Variants in RTL9 observed in about 807,000 individuals in gnomAD.
RTL9 encodes retrotransposon Gag like 9, also known as retrotransposon Gag-like protein 9.
A neutral mutation model predicts 44.7 loss-of-function variants in RTL9; 19 were observed. The ratio of observed to expected loss-of-function variants is 0.42; its 90% CI spans 0.30 to 0.62. The LOEUF is 0.62. Ranked by LOEUF, RTL9 falls within the 20% of genes least tolerant of loss-of-function variation. The probability of loss-of-function intolerance (pLI) is 0.16; values close to 1 mark genes in which losing one functional copy is unlikely to be tolerated. For missense variants in RTL9, 1,105 were observed against 1,080.6 expected, an observed-to-expected ratio of 1.02 and a Z score of -0.32; for synonymous variants, 407 against 398.9, an observed-to-expected ratio of 1.02 and a Z score of -0.24.
intron 1 of RTL9, among the ~76,000 whole-genome samples, chrX:110,435,347 A>T (rs73542220): frequency 0.039 from 4,371 of 111,388 alleles, 219 homozygotes; most frequent in African/African-American, 0.14. Flanking sequence ...AAAGACCACA[A>T]CTCTACAGTG....
chrX:110,407,631 T>G (rs979148941), intron 1 of RTL9, among the ~76,000 whole-genome samples: 6 of 112,157 alleles, frequency 5.3e-5, no homozygotes, highest in African/African-American at 1.9e-4. Context: ...GACCCTGGAC[T>G]TGAACTCAGG....
At position 110,452,274 on chromosome X, in the gene RTL9, CAA is replaced by C; in HGVS notation, c.1659_1660del (p.Gln553HisfsTer85). ...TGTCTCTGAAGCAATGTCCATGCCA[CAA>C]ATGAGAACCATGGCCTCAGGATTGA... On this transcript the variant is annotated frameshift_variant, in exon 1 of 2. Transcript: ENST00000540313. LOFTEE classifies it high-confidence loss of function. 1.7e-6 allele frequency: 2 copies of C among 1,211,900 alleles called. No homozygotes were observed. Among genetic ancestry groups the C allele is most frequent in the Non-Finnish European group, 2.2e-6 (2 of 895,518 alleles).
At chrX:110,446,112 T>C (rs2068906821), upstream of RTL9, among the ~76,000 whole-genome samples, 1 of 111,194 alleles carries the variant, frequency 9.0e-6, no homozygotes, top group African/African-American at 3.3e-5. Flanking sequence ...TTGAATGATA[T>C]GAACTCTGAA....
rs2068901639 is a variant in RTL9 at position 110,445,135 on chromosome X, C to T, written c.-167-18C>T. ...TGGAGCTACCCAGAACACACCTACC[C>T]TCTCTTCCATATGACAGCCCTTCAG... On this transcript the variant is annotated intron_variant, in intron 1 of 3. Coordinates refer to the RTL9 transcript ENST00000465301. The T allele has an allele frequency of 8.9e-6, 1 of 112,651 alleles. No individual in the cohort carries two copies. Among genetic ancestry groups the T allele is most frequent in the Non-Finnish European group, 1.9e-5 (1 of 53,301 alleles). The allele number at this position is 112,651 out of a possible 1,213,427, so 9.3% of individuals were successfully genotyped here. A position where few individuals can be genotyped will look rare whatever the true frequency, so the allele number is the denominator to read the frequency against.
intron 1 of RTL9, among the ~76,000 whole-genome samples, chrX:110,366,443 A>G (rs1463522716): frequency 1.8e-5 from 2 of 111,807 alleles, no homozygotes; most frequent in Admixed American, 1.9e-4. Context: ...TGGTTCTGAA[A>G]AATGCAATTA....
intron 1 of RTL9, among the ~76,000 whole-genome samples, chrX:110,388,011 G>A (rs2068469354): frequency 1.8e-5 from 2 of 109,746 alleles, no homozygotes; most frequent in African/African-American, 3.3e-5. Context: ...ACAGGCGCCC[G>A]CCATCACGCC....
At chrX:110,396,520 T>C (rs896800066) in intron 1 of RTL9, among the ~76,000 whole-genome samples, 4 of 112,280 alleles carry the variant, frequency 3.6e-5, no homozygotes, top group Non-Finnish European at 1.9e-5. Flanking sequence ...TCTACTTTCT[T>C]TCCCAGTCCC....
intron 1 of RTL9, among the ~76,000 whole-genome samples, chrX:110,369,767 T>C (rs920175329): frequency 8.9e-6 from 1 of 112,239 alleles, no homozygotes; most frequent in African/African-American, 3.2e-5. Context: ...CTGTACACAC[T>C]ATTTTTTATA....
intron 1 of RTL9, among the ~76,000 whole-genome samples, chrX:110,378,445 A>G (rs1248349034): frequency 9.0e-6 from 1 of 111,204 alleles, no homozygotes; most frequent in Non-Finnish European, 1.9e-5. Context: ...TCTCTAAACC[A>G]CAGCTTTTGG....
chrX:110,453,698 G>T (rs756983625), exon 1 of RTL9: 1 of 1,210,049 alleles, frequency 8.3e-7, no homozygotes, highest in African/African-American at 1.7e-5. Context: ...CTGGAGCAAG[G>T]TCCACATCAT....
chrX:110,363,645 T>C (rs73636959), intron 1 of RTL9, among the ~76,000 whole-genome samples: 4,164 of 111,520 alleles, frequency 0.037, 180 homozygotes, highest in African/African-American at 0.13. Context: ...GTTGCTTTTA[T>C]TACTCTGTGC....
At chrX:110,455,404 A>G (rs2068974988) in exon 2 of RTL9, 1 of 1,103,039 alleles carries the variant, frequency 9.1e-7, no homozygotes, top group South Asian at 2.1e-5. Context: ...ATTAAACTAC[A>G]TTATAAACCT....
intron 1 of RTL9, among the ~76,000 whole-genome samples, chrX:110,375,508 G>A (rs367973589): frequency 3.6e-5 from 4 of 110,954 alleles, no homozygotes; most frequent in East Asian, 5.6e-4. Flanking sequence ...CTAGAACGTA[G>A]TAGGGGCTCA....
At position 110,453,266 on chromosome X, in the gene RTL9, C is replaced by A. The variant is rs774247194; in HGVS notation, c.2649C>A (p.Asp883Glu). 2.5e-6 allele frequency: 3 copies of A among 1,210,671 alleles called. No individual in the cohort carries two copies. In the South Asian group the frequency reaches 5.3e-5, roughly 21 times the overall value. The stretch of plus-strand genomic sequence containing the variant: ...AAATGATGCCCACAGCTTCTGGAGA[C>A]ATGTGCACACTACCAGTGCGAGCCC... The change falls in exon 1 of 2, where the codon GAC becomes GAA. Residue 883 changes from aspartate (D) to glutamate (E), a missense_variant. Coordinates refer to ENST00000540313, the Ensembl canonical transcript of RTL9.
At chrX:110,383,230 C>T (rs752721028) in intron 1 of RTL9, among the ~76,000 whole-genome samples, 2 of 111,212 alleles carry the variant, frequency 1.8e-5, no homozygotes, top group East Asian at 5.7e-4. Context: ...GGGTCTTCTT[C>T]CCAGGAGGCT....
chrX:110,394,910 A>G (rs1323540876), intron 1 of RTL9, among the ~76,000 whole-genome samples: 2 of 112,701 alleles, frequency 1.8e-5, no homozygotes, highest in Non-Finnish European at 3.8e-5. Context: ...TGTGTGACTC[A>G]CCCTGTGGTG....
chrX:110,375,676 G>A lies in RTL9; in HGVS notation c.-168+16760G>A, dbSNP rs78070568. ...ATGAACTTAAAACACTGAGCAATCC[G>A]ATGGTAAAATACTACAGCTACTACT... is the stretch of plus-strand genomic sequence containing the variant. On this transcript the variant is annotated intron_variant, in intron 1 of 2. Coordinates refer to the RTL9 transcript ENST00000520821. Among the ~76,000 whole-genome samples the A allele has an allele frequency of 1.8e-3, 201 of 112,070 alleles. 1 individual carries two copies. In the East Asian group the frequency reaches 0.045, roughly 25 times the overall value.
chrX:110,404,825 C>T (rs569953061), intron 1 of RTL9, among the ~76,000 whole-genome samples: 9 of 111,475 alleles, frequency 8.1e-5, no homozygotes, highest in Non-Finnish European at 7.5e-5. Context: ...CTGTAACTCA[C>T]GATTTTTCTT....
At position 110,426,002 on chromosome X, in the gene RTL9, GCACA is replaced by G. The variant is rs201141674; in HGVS notation, c.-168+6884_-168+6887del. Among the ~76,000 whole-genome samples, 11 of 107,518 alleles carry G rather than the reference GCACA, an allele frequency of 1.0e-4. No individual in the cohort carries two copies. The South Asian group carries it at 1.6e-3, about 15-fold the overall frequency. The allele number at this position is 107,518 out of a possible 115,157, so 93.4% of individuals were successfully genotyped here. A position where few individuals can be genotyped will look rare whatever the true frequency, so the allele number is the denominator to read the frequency against. Reference sequence around the variant, plus strand: ...CGCGCACACACACACACACACAAACGCACACACACACACACACACATCCTGCATG... The same window carrying G: ...CGCGCACACACACACACACACAAACGCACACACACACACACATCCTGCATG... On this transcript the variant is annotated intron_variant, in intron 1 of 3. Coordinates refer to the RTL9 transcript ENST00000465301.
Sources: gnomAD v4.1 joint callset for allele counts (sites outside exome capture counted in the v4.1 genomes callset) on GRCh38, gnomAD v4.1.1 for gene constraint, MANE v1.5 for transcripts, NCBI Gene and HGNC (gene_info 2026-07-23, HGNC 2026-07-21) for gene names.